DCC: variants seen among roughly 807,000 people sequenced by gnomAD.
DCC encodes the protein netrin receptor DCC.
DCC carries 58 observed loss-of-function variants against 172.5 expected under a neutral mutation model. That is an observed-to-expected ratio of 0.34 (90% CI 0.27 to 0.42). The LOEUF (loss-of-function observed/expected upper bound fraction) is 0.42, where lower values mean the gene tolerates loss of function less well. Among genes scored for constraint, DCC ranks in the 10% least tolerant of loss-of-function variants. The probability of loss-of-function intolerance (pLI) is 1.00; values close to 1 mark genes in which losing one functional copy is unlikely to be tolerated. For missense variants in DCC, 1,740 were observed against 1,791.0 expected (o/e 0.97, Z 0.51); for synonymous variants, 709 against 644.5 (o/e 1.10, Z -1.52).
chr18:53,455,082 A>G (rs1226999508), intron 23 of DCC, among the ~76,000 whole-genome samples: 1 of 152,226 alleles, frequency 6.6e-6, no homozygotes, highest in Non-Finnish European at 1.5e-5. Flanking sequence ...ACTTATCAAT[A>G]TATCTTTTTC....
intron 1 of DCC, among the ~76,000 whole-genome samples, chr18:52,682,555 A>G (rs1441895268): frequency 6.6e-6 from 1 of 152,094 alleles, no homozygotes; most frequent in Non-Finnish European, 1.5e-5. Context: ...CATGCAGAGC[A>G]TTACAGGGAA....
intron 12 of DCC, among the ~76,000 whole-genome samples, chr18:53,285,850 G>A (rs775260647): frequency 6.6e-6 from 1 of 152,226 alleles, no homozygotes; most frequent in Non-Finnish European, 1.5e-5. Flanking sequence ...AGCATGACCT[G>A]TATGTGAGAC....
chr18:52,959,705 AAAT>A (rs1486369705), intron 5 of DCC, among the ~76,000 whole-genome samples: 5 of 152,146 alleles, frequency 3.3e-5, no homozygotes, highest in Non-Finnish European at 7.4e-5. Flanking sequence ...GGCACACAAT[AAAT>A]AATATTTATT....
intron 11 of DCC, among the ~76,000 whole-genome samples, chr18:53,212,397 A>T (rs953061595): frequency 5.9e-5 from 9 of 151,916 alleles, no homozygotes; most frequent in Non-Finnish European, 1.0e-4. Flanking sequence ...GATTCTCTTC[A>T]CTTTCACCTA....
intron 1 of DCC, among the ~76,000 whole-genome samples, chr18:52,398,795 T>A (rs1226516821): frequency 6.6e-6 from 1 of 151,954 alleles, no homozygotes; most frequent in Non-Finnish European, 1.5e-5. Context: ...ATAGACATAG[T>A]CATGGAGTGC....
intron 1 of DCC, among the ~76,000 whole-genome samples, chr18:52,486,098 G>C (rs1049116393): frequency 6.6e-6 from 1 of 152,024 alleles, no homozygotes; most frequent in Non-Finnish European, 1.5e-5. Context: ...AGTCTCAAGA[G>C]ATTCTCCCAC....
intron 12 of DCC, among the ~76,000 whole-genome samples, chr18:53,253,526 C>T (rs1000885941): frequency 1.3e-5 from 2 of 151,898 alleles, no homozygotes; most frequent in African/African-American, 2.4e-5. Flanking sequence ...AGTGGCGTAC[C>T]GCCTCAAATA....
chr18:52,809,152 A>C (rs1199520341), intron 2 of DCC: 4 of 152,208 alleles, frequency 2.6e-5, no homozygotes, highest in African/African-American at 9.7e-5. Context: ...ACAGCTAGGA[A>C]TTTGAGGGCA....
intron 7 of DCC, among the ~76,000 whole-genome samples, chr18:53,093,867 C>T (rs1408143935): frequency 3.3e-5 from 5 of 152,178 alleles, no homozygotes; most frequent in Non-Finnish European, 7.3e-5. Flanking sequence ...TCTACTCTCT[C>T]ATCCATTCCC....
chr18:52,915,696 G>T (rs1943097), intron 3 of DCC, among the ~76,000 whole-genome samples: 59,603 of 151,664 alleles, frequency 0.39, 12,309 homozygotes, highest in Non-Finnish European at 0.47. Flanking sequence ...ATTTAATTTT[G>T]CACTATCTTC....
At chr18:53,513,149 C>T (rs1216399514) in intron 27 of DCC, among the ~76,000 whole-genome samples, 2 of 152,060 alleles carry the variant, frequency 1.3e-5, no homozygotes, top group Non-Finnish European at 2.9e-5. Flanking sequence ...AGAGTGGGGG[C>T]CAATATTCAA....
chr18:53,390,486 C>G (rs542459571), intron 16 of DCC, among the ~76,000 whole-genome samples: 26 of 152,006 alleles, frequency 1.7e-4, no homozygotes, highest in Non-Finnish European at 3.4e-4. Flanking sequence ...CTGTAGACAC[C>G]CAGCATATTA....
chr18:52,715,267 T>TA (rs199776967), intron 1 of DCC, among the ~76,000 whole-genome samples: 14,125 of 143,308 alleles, frequency 0.099, 774 homozygotes, highest in East Asian at 0.2. Context: ...GCATAAAAAA[T>TA]AAAAAAAAAC....
chr18:53,187,120 T>C (rs1265883346), intron 9 of DCC, among the ~76,000 whole-genome samples: 7 of 118,324 alleles, frequency 5.9e-5, no homozygotes, highest in South Asian at 4.5e-4. Context: ...CTTTCTCTCT[T>C]TTTTTTTTCT....
chr18:53,159,000 AAAAAAG>A (rs1216417711), intron 8 of DCC, among the ~76,000 whole-genome samples: 2 of 146,416 alleles, frequency 1.4e-5, no homozygotes, highest in African/African-American at 5.0e-5. Context: ...AAAAAAAAAA[AAAAAAG>A]AAGAAGATGT....
At chr18:52,576,966 T>C (rs2033429336) in intron 1 of DCC, among the ~76,000 whole-genome samples, 1 of 152,258 alleles carries the variant, frequency 6.6e-6, no homozygotes, top group Non-Finnish European at 1.5e-5. Flanking sequence ...TATTTCATTT[T>C]TCTTACTGTA....
intron 1 of DCC, among the ~76,000 whole-genome samples, chr18:52,742,740 C>A (rs532372129): frequency 7.1e-6 from 1 of 141,646 alleles, no homozygotes; most frequent in African/African-American, 2.5e-5. Context: ...AAGCAATTTT[C>A]CAAGTAGAAG....
chr18:52,700,868 T>A (rs867471010), intron 1 of DCC, among the ~76,000 whole-genome samples: 45 of 152,334 alleles, frequency 3.0e-4, no homozygotes, highest in South Asian at 2.1e-3. Flanking sequence ...AGTAAAGGTA[T>A]TATTGCCCAG....
At chr18:52,458,014 T>G (rs1988511920) in intron 1 of DCC, among the ~76,000 whole-genome samples, 1 of 152,166 alleles carries the variant, frequency 6.6e-6, no homozygotes, top group Admixed American at 6.5e-5. Flanking sequence ...TGGAGTCTGA[T>G]CTGTTCACTT....
Sources: gnomAD v4.1 joint callset for allele counts (sites outside exome capture counted in the v4.1 genomes callset) on GRCh38, gnomAD v4.1.1 for gene constraint, MANE v1.5 for transcripts, NCBI Gene and HGNC (gene_info 2026-07-23, HGNC 2026-07-21) for gene names.